Variants in MYEF2 observed in about 807,000 individuals in gnomAD.
The protein encoded by MYEF2 is myelin gene expression factor 2.
In MYEF2, 37 loss-of-function variants were observed where a neutral mutation model predicts 75.2. The ratio of observed to expected loss-of-function variants is 0.49; its 90% CI spans 0.38 to 0.65. The LOEUF (loss-of-function observed/expected upper bound fraction) is 0.65, where lower values mean the gene tolerates loss of function less well. Among genes scored for constraint, MYEF2 ranks in the 30% least tolerant of loss-of-function variants. The pLI is 0.00. For synonymous variants in MYEF2, 195 were observed against 241.6 expected, an observed-to-expected ratio of 0.81 and a Z score of 1.79; for missense variants, 634 against 771.4, an observed-to-expected ratio of 0.82 and a Z score of 2.11.
At chr15:48,175,013 C>G (rs968348291) in intron 1 of MYEF2, among the ~76,000 whole-genome samples, 2 of 152,022 alleles carry the variant, frequency 1.3e-5, no homozygotes, top group African/African-American at 4.8e-5. Context: ...ATCCACAATA[C>G]CCAAGATATG....
At chr15:48,163,525 C>G (rs1013745888) in intron 5 of MYEF2, among the ~76,000 whole-genome samples, 7 of 152,160 alleles carry the variant, frequency 4.6e-5, no homozygotes, top group African/African-American at 1.7e-4. Flanking sequence ...GAAAGTTATC[C>G]AGAACACCTA....
intron 9 of MYEF2, among the ~76,000 whole-genome samples, chr15:48,154,443 T>G (rs1227968408): frequency 6.6e-6 from 1 of 152,098 alleles, no homozygotes. Flanking sequence ...GAAGAGGAAA[T>G]TTTTGAGACC....
chr15:48,158,630 G>C, intron 7 of MYEF2, 139 bp downstream of exon 7: 3 of 973,416 alleles, frequency 3.1e-6, no homozygotes, highest in Non-Finnish European at 4.6e-6. Context: ...ACCTACTAAG[G>C]GTTTTATTTG....
At chr15:48,144,657 A>T (rs2039213127) in intron 16 of MYEF2, among the ~76,000 whole-genome samples, 1 of 152,008 alleles carries the variant, frequency 6.6e-6, no homozygotes, top group South Asian at 2.1e-4. Context: ...CATAAAATGA[A>T]ACTGGAAAAC....
intron 5 of MYEF2, among the ~76,000 whole-genome samples, chr15:48,160,880 A>G (rs373616699): frequency 4.6e-4 from 1 of 2,186 alleles, no homozygotes; most frequent in Non-Finnish European, 0.5. Flanking sequence ...ATTACAAAAG[A>G]AAAAAAAAAT....
Position 48,134,699 on chromosome 15 carries a change from T to C in MYEF2, c.*8209A>G, listed in dbSNP as rs1254918568. On this transcript the variant is annotated 3_prime_UTR_variant, in exon 17 of 17. Transcript: ENST00000324324. The stretch of plus-strand genomic sequence containing the variant: ...ATTCAATTTAATGTTAATCCACAAA[T>C]AGCTCTTGGTCAGATTTATGAAAGT... The C allele has an allele frequency of 1.3e-5, 9 of 717,058 alleles. No individual in the cohort carries two copies. The Middle Eastern group carries it at 1.2e-3, about 95-fold the overall frequency. 44.4% of individuals were successfully genotyped at this position (717,058 alleles called of 1,614,324 possible).
intron 1 of MYEF2, among the ~76,000 whole-genome samples, chr15:48,170,813 G>A (rs181206044): frequency 6.6e-5 from 10 of 152,228 alleles, no homozygotes; most frequent in Admixed American, 2.0e-4. Context: ...GCAGCACCTC[G>A]CACGGTGACT....
chr15:48,166,610 G>C (rs2040142357), intron 3 of MYEF2, among the ~76,000 whole-genome samples: 1 of 151,844 alleles, frequency 6.6e-6, no homozygotes, highest in Non-Finnish European at 1.5e-5. Flanking sequence ...ACATTTAACA[G>C]CACCCAGTTG....
In MYEF2 at chr15:48,137,421, G is replaced by A. The variant is rs1567227542; in HGVS notation, c.*5487C>T. The A allele has an allele frequency of 6.5e-6, 1 of 152,884 alleles. No individual in the cohort carries two copies. Among genetic ancestry groups the A allele is most frequent in the Non-Finnish European group, 1.5e-5 (1 of 68,570 alleles). 9.5% of individuals were successfully genotyped at this position (152,884 alleles called of 1,614,324 possible). On this transcript the variant is annotated 3_prime_UTR_variant, in exon 17 of 17. Transcript: ENST00000324324. ...ATAGGAAGGAAGGAGAGGAAAGGTA[G>A]AAAGGAATAGGATAAGAAGAATCTT...
chr15:48,178,052 C>A (rs550133408), intron 1 of MYEF2, 25 bp downstream of exon 1: 3 of 1,581,816 alleles, frequency 1.9e-6, no homozygotes, highest in East Asian at 2.4e-5. Flanking sequence ...CACCTCGCCC[C>A]GGTTCCCGGA....
At chr15:48,163,212 A>T (rs2040013153) in intron 5 of MYEF2, among the ~76,000 whole-genome samples, 1 of 152,220 alleles carries the variant, frequency 6.6e-6, no homozygotes, top group Non-Finnish European at 1.5e-5. Flanking sequence ...GGGAAGAAGG[A>T]TAACACAACA....
chr15:48,171,062 T>C (rs2040321260), intron 1 of MYEF2, among the ~76,000 whole-genome samples: 1 of 152,162 alleles, frequency 6.6e-6, no homozygotes, highest in Non-Finnish European at 1.5e-5. Context: ...ATCTAGAAAG[T>C]ACCTACCTGT....
Position 48,134,799 on chromosome 15 carries a change from A to G in MYEF2, c.*8109T>C. 1 of 1,076,566 alleles carries G rather than the reference A, an allele frequency of 9.3e-7. No individual in the cohort carries two copies. The highest frequency in any genetic ancestry group is 1.4e-6 in the Non-Finnish European group (1 of 737,768). 66.7% of individuals were successfully genotyped at this position (1,076,566 alleles called of 1,614,324 possible). A position where few individuals can be genotyped will look rare whatever the true frequency, so the allele number is the denominator to read the frequency against. On this transcript the variant is annotated 3_prime_UTR_variant, in exon 17 of 17. Coordinates refer to ENST00000324324, the MANE Select transcript of MYEF2 (RefSeq NM_016132.5). ...AAAAGATAACAATATTTAACTACAA[A>G]TATATAAACAATTTTAGTATTATAC...
At position 48,138,799 on chromosome 15, in the gene MYEF2, C is replaced by G; in HGVS notation, c.*4109G>C. On this transcript the variant is annotated 3_prime_UTR_variant, in exon 17 of 17. Coordinates refer to ENST00000324324, the MANE Select transcript of MYEF2 (RefSeq NM_016132.5). ...TCTTACATTGTCTGCCCTAAAGTTT[C>G]AATTAGTTTCTTTTCACCAGCAATA... 1.7e-6 allele frequency: 1 copy of G among 582,940 alleles called. No homozygotes were observed. Among genetic ancestry groups the G allele is most frequent in the East Asian group, 2.8e-5 (1 of 35,510 alleles). The allele number at this position is 582,940 out of a possible 1,614,324, so 36.1% of individuals were successfully genotyped here.
chr15:48,157,899 C>A, intron 9 of MYEF2, 94 bp downstream of exon 9: 1 of 1,550,632 alleles, frequency 6.4e-7, no homozygotes, highest in Non-Finnish European at 8.7e-7. Flanking sequence ...TTGTGAGAAA[C>A]TAGGATGTAG....
At position 48,178,148 on chromosome 15, in the gene MYEF2, C is replaced by G. The variant is rs1259915696; in HGVS notation, c.90G>C (p.Arg30=). The part of the protein sequence containing the change: ...LQPAEPPGEP[R]REPHPAEAEK... ...CCGCCTCCGCGGGGTGCGGCTCTCG[C>G]CGCGGCTCGCCCGGCGGCTCTGCGG... Residue 30 remains arginine (R), a synonymous_variant, in exon 1 of 17, where the codon CGG becomes CGC. Coordinates refer to ENST00000324324, the MANE Select transcript of MYEF2 (RefSeq NM_016132.5). 1 of 1,570,198 alleles carries G rather than the reference C, an allele frequency of 6.4e-7. No homozygotes were observed. The highest frequency in any genetic ancestry group is 8.6e-7 in the Non-Finnish European group (1 of 1,158,946).
rs2038959137 is a variant in MYEF2, at chr15:48,138,528, A to G, written c.*4380T>C. The G allele has an allele frequency of 6.5e-6, 1 of 153,202 alleles. No individual in the cohort carries two copies. The allele number at this position is 153,202 out of a possible 1,614,324, so 9.5% of individuals were successfully genotyped here. ...AAAAATTATGCTATGATTATTTTAT[A>G]TTCTTTAAGTATACATTATCTGGTA... is the stretch of plus-strand genomic sequence containing the variant. On this transcript the variant is annotated 3_prime_UTR_variant, in exon 17 of 17. Coordinates refer to ENST00000324324, the MANE Select transcript of MYEF2 (RefSeq NM_016132.5).
chr15:48,152,680 G>C (rs1267191562), intron 10 of MYEF2: 2 of 172,958 alleles, frequency 1.2e-5, no homozygotes, highest in Admixed American at 6.2e-5. Context: ...AGAATGTAAG[G>C]ACTCTCTAAA....
chr15:48,159,494 A>T, intron 6 of MYEF2, 119 bp downstream of exon 6: 1 of 797,570 alleles, frequency 1.3e-6, no homozygotes, highest in Non-Finnish European at 2.0e-6. Context: ...TACAATAATT[A>T]CTATTTCACT....
Sources: allele counts gnomAD v4.1 joint callset (sites outside exome capture counted in the v4.1 genomes callset), GRCh38; gene constraint gnomAD v4.1.1; transcripts MANE v1.5; gene names NCBI Gene and HGNC (gene_info 2026-07-23, HGNC 2026-07-21).